Variants in INSL6 observed in about 807,000 individuals in gnomAD.
INSL6 encodes insulin-like peptide INSL6.
In INSL6, 16 loss-of-function variants were observed where a neutral mutation model predicts 9.4. That is an observed-to-expected ratio of 1.70 (90% CI 1.15 to 2.59). The LOEUF is 2.59. Among genes scored for constraint, INSL6 ranks in the 30% most tolerant of loss-of-function variants. INSL6 has a pLI of 0.00. For synonymous variants in INSL6, 154 were observed against 96.9 expected (o/e 1.59, Z -3.46); for missense variants, 391 against 257.3 (o/e 1.52, Z -3.56).
intron 3 of INSL6, among the ~76,000 whole-genome samples, chr9:5,130,096 G>C (rs977849159): frequency 1.3e-5 from 2 of 151,986 alleles, no homozygotes; most frequent in Non-Finnish European, 2.9e-5. Flanking sequence ...GGTTTTAAAA[G>C]TTGTTAATGA....
At chr9:5,031,296 A>C in the INSL6 span, among the ~76,000 whole-genome samples, 5 of 152,202 alleles carry the variant, frequency 3.3e-5, no homozygotes, top group African/African-American at 1.2e-4. Flanking sequence ...GTCCCAGGAG[A>C]TATTTTCACA....
chr9:5,070,227 ATTATC>A, the INSL6 span, among the ~76,000 whole-genome samples: 36,554 of 151,936 alleles, frequency 0.24, 4,569 homozygotes, highest in South Asian at 0.3. Flanking sequence ...AGCAAAATTA[ATTATC>A]TTAATTATCC....
chr9:5,003,637 A>T, the INSL6 span, among the ~76,000 whole-genome samples: 1 of 152,084 alleles, frequency 6.6e-6, no homozygotes, highest in East Asian at 1.9e-4. Context: ...ATATACAGAC[A>T]TGTCCTCTAT....
chr9:5,090,361 A>T, the INSL6 span: 1 of 976,072 alleles, frequency 1.0e-6, no homozygotes, highest in Non-Finnish European at 1.4e-6. Flanking sequence ...ATATATGTTT[A>T]AGTCATTTAT....
downstream of INSL6, among the ~76,000 whole-genome samples, chr9:5,122,290 A>G (rs748415686): frequency 1.8e-4 from 28 of 152,148 alleles, no homozygotes; most frequent in Non-Finnish European, 3.5e-4. Context: ...TCCCTTGGAT[A>G]GTGTTAATGC....
At chr9:5,142,722 C>T (rs1227710196) in intron 2 of INSL6, among the ~76,000 whole-genome samples, 1 of 152,210 alleles carries the variant, frequency 6.6e-6, no homozygotes, top group East Asian at 1.9e-4. Flanking sequence ...CTGGCCAGAA[C>T]TTCCAGTACT....
chr9:5,057,580 CTTTTT>C, the INSL6 span, among the ~76,000 whole-genome samples: 33 of 116,762 alleles, frequency 2.8e-4, no homozygotes, highest in African/African-American at 9.3e-4. Context: ...ATTCTACTTT[CTTTTT>C]TTTTTTTTTT....
the INSL6 span, among the ~76,000 whole-genome samples, chr9:5,068,337 A>G: frequency 6.6e-6 from 1 of 152,210 alleles, no homozygotes; most frequent in Non-Finnish European, 1.5e-5. Flanking sequence ...CATAAGACAA[A>G]TATTTAAAAA....
chr9:5,009,154 A>G, the INSL6 span, among the ~76,000 whole-genome samples: 2 of 152,234 alleles, frequency 1.3e-5, no homozygotes, highest in African/African-American at 4.8e-5. Context: ...CAAATCTTAA[A>G]ATAACTGGAA....
chr9:5,008,235 A>G, the INSL6 span, among the ~76,000 whole-genome samples: 10 of 152,118 alleles, frequency 6.6e-5, no homozygotes, highest in African/African-American at 2.4e-4. Context: ...TCCATTGTTT[A>G]TGTTTTGAAT....
the INSL6 span, among the ~76,000 whole-genome samples, chr9:5,037,022 A>T: frequency 6.6e-6 from 1 of 152,162 alleles, no homozygotes; most frequent in African/African-American, 2.4e-5. Context: ...ACAAGAAAAC[A>T]ACAACCCCAT....
the INSL6 span, among the ~76,000 whole-genome samples, chr9:5,001,630 T>C: frequency 6.6e-6 from 1 of 152,140 alleles, no homozygotes; most frequent in East Asian, 1.9e-4. Context: ...CTGTAATTTT[T>C]TTTTTTTTTT....
intron 2 of INSL6, among the ~76,000 whole-genome samples, chr9:5,138,897 T>C (rs1824436330): frequency 7.0e-6 from 1 of 141,874 alleles, no homozygotes; most frequent in South Asian, 2.3e-4. Flanking sequence ...TGTTTTTATA[T>C]AGTCACAAAA....
chr9:5,111,767 C>A, the INSL6 span: 1 of 422,104 alleles, frequency 2.4e-6, no homozygotes, highest in Admixed American at 2.8e-5. Flanking sequence ...GAACGGTGGG[C>A]TTCCGGCTGC....
chr9:5,170,546 A>C (rs527530444), intron 1 of INSL6, among the ~76,000 whole-genome samples: 54 of 142,054 alleles, frequency 3.8e-4, no homozygotes, highest in African/African-American at 1.5e-3. Context: ...ACAATCAATG[A>C]ATCCAGGGGC....
rs138462199 is a variant in INSL6 at position 5,131,703 on chromosome 9, G to C, written c.*10+1722C>G. Among the ~76,000 whole-genome samples, 341 of 152,164 alleles carry C rather than the reference G, an allele frequency of 2.2e-3. 1 individual carries two copies. The highest frequency in any genetic ancestry group is 4.0e-3 in the Non-Finnish European group (272 of 68,000). On this transcript the variant is annotated intron_variant, in intron 3 of 3. Coordinates refer to the INSL6 transcript ENST00000649639. ...GATCCAACCGCCTCAACCTCCCAAAGTGCTGGGATTACAGGCATGAGGCAC... is the reference window on the plus strand; with the variant it reads ...GATCCAACCGCCTCAACCTCCCAAACTGCTGGGATTACAGGCATGAGGCAC...
the INSL6 span, among the ~76,000 whole-genome samples, chr9:5,032,066 C>T: frequency 5.9e-5 from 9 of 152,240 alleles, no homozygotes; most frequent in Non-Finnish European, 1.0e-4. Flanking sequence ...CACTCTAATA[C>T]TGCGCTATTC....
At chr9:5,067,885 G>A in the INSL6 span, among the ~76,000 whole-genome samples, 1 of 152,126 alleles carries the variant, frequency 6.6e-6, no homozygotes, top group Non-Finnish European at 1.5e-5. Context: ...CAGGTGTGGT[G>A]GCTCACACCT....
chr9:5,027,694 G>T, the INSL6 span, among the ~76,000 whole-genome samples: 1 of 152,192 alleles, frequency 6.6e-6, no homozygotes, highest in Non-Finnish European at 1.5e-5. Flanking sequence ...CTTTGATTAA[G>T]TTGATGTAGT....
Sources: allele counts gnomAD v4.1 joint callset (sites outside exome capture counted in the v4.1 genomes callset), GRCh38; gene constraint gnomAD v4.1.1; transcripts MANE v1.5; gene names NCBI Gene and HGNC (gene_info 2026-07-23, HGNC 2026-07-21).